The following TJP2 variants were observed in gnomAD, a reference collection of about 807,000 sequenced individuals.
TJP2 encodes the protein Friedreich ataxia region gene X104 (tight junction protein ZO-2).
Under a neutral mutation model 133.1 loss-of-function variants are expected in TJP2, and 91 were observed. The observed-to-expected ratio is 0.68, with a 90% CI of 0.58 to 0.81. The LOEUF (loss-of-function observed/expected upper bound fraction) is 0.81. TJP2 is among the 40% of genes least tolerant of loss of function. TJP2 has a pLI of 0.00. For missense variants in TJP2, 1,541 were observed against 1,565.6 expected (o/e 0.98, Z 0.26); for synonymous variants, 592 against 583.4 (o/e 1.01, Z -0.21).
chr9:69,207,648 G>A (rs995363718), intron 1 of TJP2, among the ~76,000 whole-genome samples: 3 of 152,220 alleles, frequency 2.0e-5, no homozygotes, highest in African/African-American at 7.2e-5. Context: ...GGGCCTGCCT[G>A]TAAAGCTCCC....
Position 69,221,044 on chromosome 9 carries a change from G to A in TJP2, c.500G>A (p.Arg167His), listed in dbSNP as rs374558646. The A allele has an allele frequency of 1.7e-5, 27 of 1,605,212 alleles. No individual in the cohort carries two copies. The African/African-American group carries it at 2.4e-4, about 14-fold the overall frequency. ...AGCCGGCTGAACAGCCATGGGGGGCGCAGCCGCAGCTGGGAGGACAGCCCG... is the reference window on the plus strand; with the variant it reads ...AGCCGGCTGAACAGCCATGGGGGGCACAGCCGCAGCTGGGAGGACAGCCCG... ...ERSRLNSHGGRSRSWEDSPER... is the reference protein window; with the variant it reads ...ERSRLNSHGGHSRSWEDSPER... Residue 167 changes from arginine (R) to histidine (H), a missense_variant, in exon 5 of 23, where the codon CGC becomes CAC. Transcript: ENST00000377245.
At chr9:69,216,582 A>G (rs1828399878) in intron 3 of TJP2, 119 bp downstream of exon 3, 1 of 1,126,472 alleles carries the variant, frequency 8.9e-7, no homozygotes, top group Non-Finnish European at 1.2e-6. Context: ...ACTTTTATAT[A>G]ATATTTGAAA....
At chr9:69,244,049 T>G (rs1830750091) in intron 17 of TJP2, among the ~76,000 whole-genome samples, 1 of 151,452 alleles carries the variant, frequency 6.6e-6, no homozygotes, top group Non-Finnish European at 1.5e-5. Context: ...CTGGGTGTGG[T>G]GGTGGGTGCC....
At chr9:69,179,511 CT>C (rs563179558) in intron 1 of TJP2, among the ~76,000 whole-genome samples, 6,164 of 139,040 alleles carry the variant, frequency 0.044, 248 homozygotes, top group Admixed American at 0.16. Flanking sequence ...CTTTTTCTTT[CT>C]TTTTTTTTTT....
intron 1 of TJP2, among the ~76,000 whole-genome samples, chr9:69,200,340 C>T (rs1326545463): frequency 6.6e-6 from 1 of 151,944 alleles, no homozygotes; most frequent in Non-Finnish European, 1.5e-5. Flanking sequence ...GCCTCTCATC[C>T]TCAGTTAACA....
In TJP2 at chr9:69,221,115, C is replaced by G; in HGVS notation, c.571C>G (p.Leu191Val). 6.3e-7 allele frequency: 1 copy of G among 1,586,184 alleles called. No homozygotes were observed. Among genetic ancestry groups the G allele is most frequent in the Admixed American group, 1.8e-5 (1 of 56,122 alleles). Residue 191 changes from leucine to valine, a missense_variant, in exon 5 of 23, where the codon CTC becomes GTC. By Grantham distance (32) the Leu-to-Val change is conservative (BLOSUM62 1). Transcript: ENST00000377245. The stretch of plus-strand genomic sequence containing the variant: ...GCGGGCCCGGAGCCGGGAGCGGGAC[C>G]TCAGCCGGGACCGGAGCCGTGGCCG... ...HERARSRERDLSRDRSRGRSL... is the reference protein window; with the variant it reads ...HERARSRERDVSRDRSRGRSL...
chr9:69,249,315 G>A (rs1831156182), intron 19 of TJP2, 60 bp from the exon 20 acceptor site: 5 of 1,556,506 alleles, frequency 3.2e-6, no homozygotes, highest in Non-Finnish European at 3.5e-6. Flanking sequence ...CAAAGCAGTC[G>A]AGTGCTCTGT....
chr9:69,205,151 C>G (rs953992157), intron 1 of TJP2: 2 of 1,537,052 alleles, frequency 1.3e-6, no homozygotes, highest in Non-Finnish European at 1.7e-6. Context: ...GCCCATGCAT[C>G]TCCAGAGACC....
chr9:69,246,400 CAT>C (rs1830929646), intron 17 of TJP2: 1 of 395,472 alleles, frequency 2.5e-6, no homozygotes, highest in Admixed American at 3.6e-5. Flanking sequence ...GCCGAAAACA[CAT>C]GTTCTTAAAA....
At chr9:69,139,221 A>C (rs1822909347) in intron 1 of TJP2, among the ~76,000 whole-genome samples, 1 of 152,358 alleles carries the variant, frequency 6.6e-6, no homozygotes. Flanking sequence ...CATCTCAAAA[A>C]AACCAACCAA....
At chr9:69,151,757 G>T in exon 2 of TJP2, 1 of 1,232,064 alleles carries the variant, frequency 8.1e-7, no homozygotes, top group Non-Finnish European at 1.0e-6. Context: ...ACCAGTACAC[G>T]GCCCACGTTG....
At chr9:69,134,964 G>A (rs547335362) in intron 1 of TJP2, among the ~76,000 whole-genome samples, 3 of 143,868 alleles carry the variant, frequency 2.1e-5, no homozygotes, top group East Asian at 2.0e-4. Context: ...GAGAGAGAGA[G>A]AAGAGAGAAG....
In TJP2 at chr9:69,237,131, G is replaced by A. The variant is rs369608760; in HGVS notation, c.2174G>A (p.Arg725Gln). 1.1e-5 allele frequency: 17 copies of A among 1,614,056 alleles called. No homozygotes were observed. The highest frequency in any genetic ancestry group is 1.7e-5 in the Admixed American group (1 of 60,014). ...CCAGCTTATGAGAGGGTTTTGCTGC[G>A]AGAAGGTGAGGAAGTCACATGGGGC... ...KFPAYERVLL[R>Q]EAGFKRPVVL... is the part of the protein sequence containing the mutation. The change falls in exon 14 of 23, where the codon CGA (arginine) becomes CAA (glutamine). Residue 725 changes from arginine (R) to glutamine (Q), a missense_variant. Coordinates refer to ENST00000377245, the MANE Select transcript of TJP2 (RefSeq NM_004817.4).
At chr9:69,174,243 G>A (rs2132933831), upstream of TJP2, 1 of 1,510,462 alleles carries the variant, frequency 6.6e-7, no homozygotes, top group Non-Finnish European at 8.9e-7. Flanking sequence ...GTGGGTCCCC[G>A]CGGGTCGGCA....
At chr9:69,233,348 A>G (rs191647677) in intron 11 of TJP2, among the ~76,000 whole-genome samples, 79 of 152,376 alleles carry the variant, frequency 5.2e-4, no homozygotes, top group Non-Finnish European at 1.1e-3. Flanking sequence ...GTAATTGTCA[A>G]TGACTGAAGA....
intron 1 of TJP2, among the ~76,000 whole-genome samples, chr9:69,185,798 A>T (rs1825816184): frequency 6.6e-6 from 1 of 152,092 alleles, no homozygotes; most frequent in Non-Finnish European, 1.5e-5. Context: ...CGCGGAGGGA[A>T]CACTGTAGTC....
At chr9:69,150,678 C>T (rs1823429809) in intron 1 of TJP2, among the ~76,000 whole-genome samples, 1 of 152,202 alleles carries the variant, frequency 6.6e-6, no homozygotes, top group African/African-American at 2.4e-5. Flanking sequence ...GATCTTGTTT[C>T]TCAGAGTGAC....
At chr9:69,221,541 A>C (rs563108124) in intron 5 of TJP2, 45 bp downstream of exon 5, 5 of 1,575,828 alleles carry the variant, frequency 3.2e-6, no homozygotes, top group Non-Finnish European at 3.5e-6. Flanking sequence ...TGTGATATGA[A>C]TAACCTTTGT....
At chr9:69,236,776 C>T (rs919521028) in intron 13 of TJP2, among the ~76,000 whole-genome samples, 173 bp from the exon 14 acceptor site, 25 of 152,170 alleles carry the variant, frequency 1.6e-4, no homozygotes, top group Non-Finnish European at 2.9e-4. Context: ...CAGCCTTTTT[C>T]TGCTCCCATT....
Sources: allele counts gnomAD v4.1 joint callset (sites outside exome capture counted in the v4.1 genomes callset), GRCh38; gene constraint gnomAD v4.1.1; transcripts MANE v1.5; gene names NCBI Gene and HGNC (gene_info 2026-07-23, HGNC 2026-07-21).